The following LIPI variants were observed in gnomAD, a reference collection of about 807,000 sequenced individuals.
LIPI encodes lipase I, also known as lipase member I.
Under a neutral mutation model 50.6 loss-of-function variants are expected in LIPI, and 59 were observed. The observed-to-expected ratio is 1.16, with a 90% CI of 0.94 to 1.45. The LOEUF (loss-of-function observed/expected upper bound fraction) is 1.45. LIPI is among the 40% of genes most tolerant of loss of function. LIPI has a pLI of 0.00. For synonymous variants in LIPI, 203 were observed against 178.2 expected, an observed-to-expected ratio of 1.14 and a Z score of -1.11; for missense variants, 586 against 536.3, an observed-to-expected ratio of 1.09 and a Z score of -0.92.
chr21:14,179,397 A>C (rs1375638444), intron 4 of LIPI, among the ~76,000 whole-genome samples: 1 of 152,220 alleles, frequency 6.6e-6, no homozygotes, highest in Non-Finnish European at 1.5e-5. Flanking sequence ...GAAAAGATCA[A>C]TCCAATGTTC....
intron 1 of LIPI, 142 bp from the exon 2 acceptor site, chr21:14,189,561 A>C: frequency 1.4e-6 from 1 of 707,402 alleles, no homozygotes; most frequent in Admixed American, 2.5e-5. Context: ...GAGCAACTGC[A>C]ATGTTGAAGG....
intron 1 of LIPI, among the ~76,000 whole-genome samples, chr21:14,204,345 A>T (rs2020164577): frequency 6.6e-6 from 1 of 151,952 alleles, no homozygotes; most frequent in South Asian, 2.1e-4. Flanking sequence ...AAAAGAAAAC[A>T]GAAAGAAGAG....
At chr21:14,176,547 G>C (rs447815) in intron 4 of LIPI, among the ~76,000 whole-genome samples, 1 of 151,198 alleles carries the variant, frequency 6.6e-6, no homozygotes, top group African/African-American at 2.4e-5. Flanking sequence ...GTATTCATTA[G>C]TTATTTTTAA....
At chr21:14,172,255 T>G (rs1033253332) in intron 4 of LIPI, among the ~76,000 whole-genome samples, 13 of 151,666 alleles carry the variant, frequency 8.6e-5, no homozygotes, top group Non-Finnish European at 1.3e-4. Flanking sequence ...AGGAACACTT[T>G]TACACTGTTG....
intron 9 of LIPI, among the ~76,000 whole-genome samples, chr21:14,139,337 T>C (rs1470158230): frequency 6.6e-6 from 1 of 152,158 alleles, no homozygotes; most frequent in African/African-American, 2.4e-5. Flanking sequence ...AATATACTTT[T>C]TTTACAGTTT....
At chr21:14,144,380 T>C (rs936206013) in intron 9 of LIPI, 2 of 326,782 alleles carry the variant, frequency 6.1e-6, no homozygotes, top group African/African-American at 4.3e-5. Flanking sequence ...TTTATCTTTA[T>C]TGTGTCTGTG....
intron 9 of LIPI, among the ~76,000 whole-genome samples, chr21:14,129,589 G>A (rs1361204780): frequency 6.6e-6 from 1 of 151,344 alleles, no homozygotes; most frequent in Non-Finnish European, 1.5e-5. Context: ...TTAATTATTT[G>A]TATTTTAAAA....
At chr21:14,197,026 T>TATACACACAC (rs2019886789) in intron 1 of LIPI, among the ~76,000 whole-genome samples, 2 of 147,118 alleles carry the variant, frequency 1.4e-5, no homozygotes, top group African/African-American at 5.0e-5. Flanking sequence ...ATAGGACAAA[T>TATACACACAC]ACACACACAC....
At chr21:14,124,020 A>G (rs977078565) in intron 9 of LIPI, among the ~76,000 whole-genome samples, 1 of 152,144 alleles carries the variant, frequency 6.6e-6, no homozygotes, top group Admixed American at 6.5e-5. Flanking sequence ...TGGAGCCCAA[A>G]CTCACTTTTT....
intron 1 of LIPI, among the ~76,000 whole-genome samples, chr21:14,191,301 CGGG>C (rs1163499430): frequency 1.6e-4 from 23 of 147,374 alleles, no homozygotes; most frequent in African/African-American, 5.3e-4. Flanking sequence ...GGCGGGAACC[CGGG>C]AGGCGGAGCT....
chr21:14,132,647 T>G (rs2017339732), intron 9 of LIPI, among the ~76,000 whole-genome samples: 2 of 152,034 alleles, frequency 1.3e-5, no homozygotes, highest in African/African-American at 4.8e-5. Context: ...ACAGTTCTTA[T>G]AAAACACTCA....
At chr21:14,190,959 T>C (rs974140657) in intron 1 of LIPI, among the ~76,000 whole-genome samples, 6 of 152,126 alleles carry the variant, frequency 3.9e-5, no homozygotes, top group Admixed American at 1.3e-4. Context: ...TGGTGATAAA[T>C]ACAAGAGAAA....
rs183583317 is a variant in LIPI, at chr21:14,134,800, T to C, written c.1295+9823A>G. Among the ~76,000 whole-genome samples, 721 of 152,082 alleles carry C rather than the reference T, an allele frequency of 4.7e-3. 6 individuals are homozygous for C. The highest frequency in any genetic ancestry group is 0.017 in the African/African-American group (685 of 41,478). ...TATACAAAGGTTAATTCGAGATAAATTGAACACATAAACATAAGACCAGAA... is the reference window on the plus strand; with the variant it reads ...TATACAAAGGTTAATTCGAGATAAACTGAACACATAAACATAAGACCAGAA... On this transcript the variant is annotated intron_variant, in intron 9 of 9. Coordinates refer to ENST00000681601, the MANE Select transcript of LIPI (RefSeq NM_001302998.2).
intron 9 of LIPI, chr21:14,143,444 T>C (rs1167551313): frequency 1.3e-5 from 2 of 152,178 alleles, no homozygotes; most frequent in African/African-American, 4.8e-5. Flanking sequence ...CTCTCTTCTG[T>C]TGATATAGAC....
At chr21:14,160,840 A>G (rs758987611) in intron 7 of LIPI, among the ~76,000 whole-genome samples, 6 of 151,472 alleles carry the variant, frequency 4.0e-5, no homozygotes, top group Non-Finnish European at 5.9e-5. Flanking sequence ...AGACACGAAT[A>G]CACATTTCAC....
At chr21:14,183,576 T>C (rs900732646) in intron 3 of LIPI, among the ~76,000 whole-genome samples, 6 of 152,222 alleles carry the variant, frequency 3.9e-5, no homozygotes, top group African/African-American at 1.4e-4. Flanking sequence ...AATCTACTCA[T>C]CTGACAAAGG....
intron 9 of LIPI, among the ~76,000 whole-genome samples, chr21:14,140,082 A>G (rs1041904036): frequency 2.0e-5 from 3 of 152,156 alleles, no homozygotes; most frequent in Non-Finnish European, 4.4e-5. Context: ...CCCACTTTTA[A>G]AAGGGTCACT....
chr21:14,205,549 T>TC (rs111451491), intron 1 of LIPI, among the ~76,000 whole-genome samples: 2,884 of 151,740 alleles, frequency 0.019, 79 homozygotes, highest in African/African-American at 0.06. Flanking sequence ...TGCACATACC[T>TC]CCCCCCACAC....
At chr21:14,136,693 A>G (rs1253427035) in intron 9 of LIPI, among the ~76,000 whole-genome samples, 1 of 152,118 alleles carries the variant, frequency 6.6e-6, no homozygotes, top group Non-Finnish European at 1.5e-5. Context: ...CCACCTGCTG[A>G]TTGTAGAACA....
Sources: allele counts gnomAD v4.1 joint callset (sites outside exome capture counted in the v4.1 genomes callset), GRCh38; gene constraint gnomAD v4.1.1; transcripts MANE v1.5; gene names NCBI Gene and HGNC (gene_info 2026-07-23, HGNC 2026-07-21).